The following SAMD12 variants were observed in gnomAD, a reference collection of about 807,000 sequenced individuals.
SAMD12 encodes the protein sterile alpha motif domain containing 12.
In SAMD12, 9 loss-of-function variants were observed where a neutral mutation model predicts 15.0. That is an observed-to-expected ratio of 0.60 (90% CI 0.36 to 1.05). The LOEUF (loss-of-function observed/expected upper bound fraction) is 1.05, where lower values mean the gene tolerates loss of function less well. Among genes scored for constraint, SAMD12 ranks in the 50% least tolerant of loss-of-function variants. The pLI, the probability that SAMD12 is intolerant of heterozygous loss-of-function variation, is 0.01. For missense variants in SAMD12, 230 were observed against 234.2 expected (o/e 0.98, Z 0.12); for synonymous variants, 86 against 90.1 (o/e 0.96, Z 0.25).
At chr8:118,510,225 C>CACAT (rs1825038751) in intron 2 of SAMD12, among the ~76,000 whole-genome samples, 1 of 152,012 alleles carries the variant, frequency 6.6e-6, no homozygotes, top group Non-Finnish European at 1.5e-5. Flanking sequence ...CACACACACA[C>CACAT]ACATACACAC....
intron 4 of SAMD12, among the ~76,000 whole-genome samples, chr8:118,313,931 G>A (rs904473667): frequency 6.6e-6 from 1 of 151,204 alleles, no homozygotes; most frequent in Admixed American, 6.6e-5. Context: ...AGGAGATGGG[G>A]GGATCTCATG....
intron 1 of SAMD12, among the ~76,000 whole-genome samples, chr8:118,594,404 T>C (rs1019465069): frequency 1.3e-5 from 2 of 152,046 alleles, no homozygotes; most frequent in East Asian, 1.9e-4. Context: ...GTTTTAATGT[T>C]AGCAAAAGAA....
chr8:118,380,507 C>G (rs1819616398), intron 3 of SAMD12, among the ~76,000 whole-genome samples: 1 of 152,154 alleles, frequency 6.6e-6, no homozygotes, highest in Non-Finnish European at 1.5e-5. Flanking sequence ...CTGTGATTTC[C>G]ATCAAATTCT....
the SAMD12 span, among the ~76,000 whole-genome samples, chr8:118,177,966 G>A: frequency 2.0e-5 from 3 of 152,078 alleles, no homozygotes; most frequent in South Asian, 2.1e-4. Flanking sequence ...TTGAAACCTC[G>A]CAACCACTGT....
chr8:118,306,996 G>T (rs969228372), intron 4 of SAMD12, among the ~76,000 whole-genome samples: 1 of 152,170 alleles, frequency 6.6e-6, no homozygotes, highest in Non-Finnish European at 1.5e-5. Flanking sequence ...TGACCAAGCT[G>T]ATATCCAACC....
intron 2 of SAMD12, among the ~76,000 whole-genome samples, chr8:118,556,777 G>GTTTGAGAC: frequency 6.6e-6 from 1 of 151,914 alleles, no homozygotes; most frequent in South Asian, 2.1e-4. Flanking sequence ...AGCCTGGCCA[G>GTTTGAGAC]CATGGTGAAA....
At chr8:118,186,344 A>C (rs1819242815), downstream of SAMD12, among the ~76,000 whole-genome samples, 1 of 152,216 alleles carries the variant, frequency 6.6e-6, no homozygotes, top group Non-Finnish European at 1.5e-5. Flanking sequence ...TTAGTGTGTA[A>C]GGTCTCTAAA....
chr8:118,318,126 G>A (rs1373114618), intron 4 of SAMD12, among the ~76,000 whole-genome samples: 4 of 151,536 alleles, frequency 2.6e-5, no homozygotes, highest in Admixed American at 6.6e-5. Context: ...CAACCTCTCC[G>A]GAAAACAATA....
intron 1 of SAMD12, among the ~76,000 whole-genome samples, chr8:118,598,763 A>C (rs759288859): frequency 2.0e-5 from 3 of 152,216 alleles, no homozygotes; most frequent in Non-Finnish European, 4.4e-5. Flanking sequence ...GAACAAGTCA[A>C]TGAAGTCAGG....
At chr8:118,615,675 A>G (rs943582399) in intron 1 of SAMD12, among the ~76,000 whole-genome samples, 1 of 152,210 alleles carries the variant, frequency 6.6e-6, no homozygotes. Flanking sequence ...CACGTCATCC[A>G]CTGTGACTCA....
intron 2 of SAMD12, among the ~76,000 whole-genome samples, chr8:118,447,524 C>T (rs144298265): frequency 4.0e-5 from 6 of 151,614 alleles, no homozygotes; most frequent in South Asian, 2.1e-4. Flanking sequence ...AGGTTGGTCT[C>T]GAACTCCTGA....
intron 4 of SAMD12, among the ~76,000 whole-genome samples, chr8:118,319,493 T>C (rs996369966): frequency 6.6e-6 from 1 of 152,202 alleles, no homozygotes; most frequent in African/African-American, 2.4e-5. Context: ...TGAATTTTCA[T>C]TCATAACTGA....
the SAMD12 span, among the ~76,000 whole-genome samples, chr8:118,148,754 G>C: frequency 6.6e-6 from 1 of 152,082 alleles, no homozygotes; most frequent in African/African-American, 2.4e-5. Context: ...TTGCCTTTCT[G>C]GACATTCCAT....
intron 2 of SAMD12, among the ~76,000 whole-genome samples, chr8:118,566,458 C>T (rs1347009753): frequency 2.0e-5 from 3 of 152,246 alleles, no homozygotes; most frequent in East Asian, 1.9e-4. Context: ...ACAGAAACCC[C>T]GTGAAGGTAG....
At chr8:118,331,673 C>T (rs1816812532) in intron 4 of SAMD12, among the ~76,000 whole-genome samples, 1 of 152,180 alleles carries the variant, frequency 6.6e-6, no homozygotes, top group Non-Finnish European at 1.5e-5. Flanking sequence ...AATGGAGGCA[C>T]ATGAACATTT....
intron 1 of SAMD12, among the ~76,000 whole-genome samples, chr8:118,620,088 T>A (rs190066137): frequency 1.8e-3 from 271 of 152,326 alleles, no homozygotes; most frequent in African/African-American, 6.3e-3. Context: ...GTTCTTGTTT[T>A]TGTAAAGTCT....
At chr8:118,563,666 T>A (rs888164828) in intron 2 of SAMD12, among the ~76,000 whole-genome samples, 1 of 152,120 alleles carries the variant, frequency 6.6e-6, no homozygotes, top group African/African-American at 2.4e-5. Context: ...GAAGGAAAAA[T>A]TCCAATTTCT....
intron 2 of SAMD12, among the ~76,000 whole-genome samples, chr8:118,460,082 CA>C (rs1823371358): frequency 6.6e-6 from 1 of 152,188 alleles, no homozygotes; most frequent in Admixed American, 6.5e-5. Flanking sequence ...CTTCTACTTC[CA>C]ATGATAATAT....
intron 4 of SAMD12, among the ~76,000 whole-genome samples, chr8:118,214,341 T>C (rs1226561631): frequency 1.3e-5 from 2 of 152,218 alleles, no homozygotes. Flanking sequence ...GTTCACCTTC[T>C]ATGTCAGGAT....
Sources: allele counts gnomAD v4.1 joint callset (sites outside exome capture counted in the v4.1 genomes callset), GRCh38; gene constraint gnomAD v4.1.1; transcripts MANE v1.5; gene names NCBI Gene and HGNC (gene_info 2026-07-23, HGNC 2026-07-21).